Variants in LRMDA observed in about 807,000 individuals in gnomAD.
LRMDA encodes the protein leucine rich melanocyte differentiation associated, also known as leucine-rich melanocyte differentiation-associated protein.
Under a neutral mutation model 29.8 loss-of-function variants are expected in LRMDA, and 18 were observed. That is an observed-to-expected ratio of 0.60 (90% confidence interval 0.42 to 0.90). LRMDA has a LOEUF of 0.90. Ranked by LOEUF, LRMDA falls within the 40% of genes least tolerant of loss-of-function variation. The probability of loss-of-function intolerance (pLI) is 0.00; values close to 1 mark genes in which losing one functional copy is unlikely to be tolerated. For missense variants in LRMDA, 273 were observed against 273.9 expected (o/e 1.00, Z 0.02); for synonymous variants, 125 against 109.4 (o/e 1.14, Z -0.89).
rs77659256 is a variant in LRMDA, at chr10:76,057,900, T to C, written c.399-766T>C. On this transcript the variant is annotated intron_variant, in intron 4 of 6. Transcript: ENST00000611255. ...TTTATGCATTTATATAACTATACCCTGGCCAAGTGGTTATTCTTGTCAACT... is the reference window on the plus strand; with the variant it reads ...TTTATGCATTTATATAACTATACCCCGGCCAAGTGGTTATTCTTGTCAACT... 6.2e-3 allele frequency among the ~76,000 whole-genome samples: 939 copies of C among 152,376 alleles called. 8 individuals are homozygous for C. Among genetic ancestry groups the C allele is most frequent in the Non-Finnish European group, 9.5e-3 (649 of 68,042 alleles).
chr10:76,372,996 C>T (rs1373001935), intron 6 of LRMDA, among the ~76,000 whole-genome samples: 1 of 152,092 alleles, frequency 6.6e-6, no homozygotes, highest in Non-Finnish European at 1.5e-5. Flanking sequence ...GTAAGATTTC[C>T]AGCTCTTCAG....
chr10:75,806,361 T>C lies in LRMDA; in HGVS notation c.132-229647T>C, dbSNP rs1013869704. ...GTCAGCATTCTTGAGAATTCATATCTCTTGTACTTTGCTTTAGTTGTTCAT... is the reference window on the plus strand; with the variant it reads ...GTCAGCATTCTTGAGAATTCATATCCCTTGTACTTTGCTTTAGTTGTTCAT... On this transcript the variant is annotated intron_variant, in intron 2 of 6. Transcript: ENST00000611255. Among the ~76,000 whole-genome samples the C allele has an allele frequency of 2.8e-5, 4 of 141,720 alleles. No homozygotes were observed. In the East Asian group the frequency reaches 7.7e-4, roughly 27 times the overall value. 93.0% of individuals were successfully genotyped at this position (141,720 alleles called of 152,430 possible). A position where few individuals can be genotyped will look rare whatever the true frequency, so the allele number is the denominator to read the frequency against.
At chr10:75,445,100 TTTG>T (rs535166056) in intron 2 of LRMDA, among the ~76,000 whole-genome samples, 1 of 151,868 alleles carries the variant, frequency 6.6e-6, no homozygotes, top group African/African-American at 2.4e-5. Context: ...CCTGGCTAAT[TTTG>T]TTGTTGTTGT....
intron 2 of LRMDA, among the ~76,000 whole-genome samples, chr10:75,938,304 A>C (rs983661286): frequency 1.1e-4 from 17 of 152,216 alleles, no homozygotes; most frequent in African/African-American, 3.9e-4. Context: ...TAAATTTGCC[A>C]CGTTACCTCC....
chr10:76,194,573 G>T (rs959750440), intron 5 of LRMDA, among the ~76,000 whole-genome samples: 3 of 152,180 alleles, frequency 2.0e-5, no homozygotes, highest in Non-Finnish European at 4.4e-5. Context: ...ATCCTGAAAG[G>T]TGCAAAGTCT....
intron 2 of LRMDA, among the ~76,000 whole-genome samples, chr10:75,741,074 A>T (rs1279670480): frequency 1.3e-5 from 2 of 152,238 alleles, no homozygotes; most frequent in Admixed American, 6.5e-5. Flanking sequence ...GCATGAAACA[A>T]CACTGTTTAC....
intron 2 of LRMDA, among the ~76,000 whole-genome samples, chr10:75,831,264 G>T (rs180865650): frequency 3.2e-4 from 49 of 152,248 alleles, no homozygotes; most frequent in Middle Eastern, 6.8e-3. Flanking sequence ...AACCAGGATG[G>T]TCTTGATCTC....
chr10:75,684,311 C>T (rs1292968496), intron 2 of LRMDA, among the ~76,000 whole-genome samples: 1 of 152,128 alleles, frequency 6.6e-6, no homozygotes. Context: ...CATGCCTAGA[C>T]TTCTGGACAC....
intron 2 of LRMDA, among the ~76,000 whole-genome samples, chr10:75,599,524 A>T (rs944488487): frequency 2.6e-5 from 4 of 152,168 alleles, no homozygotes; most frequent in Non-Finnish European, 5.9e-5. Context: ...GGATGGTCTT[A>T]TGGTGAGTAT....
At chr10:76,190,504 T>C (rs1851225474) in intron 5 of LRMDA, among the ~76,000 whole-genome samples, 1 of 152,224 alleles carries the variant, frequency 6.6e-6, no homozygotes, top group Non-Finnish European at 1.5e-5. Context: ...GACTGGACAT[T>C]TTCCTTTGGA....
chr10:75,601,334 G>A (rs3001922), intron 2 of LRMDA: 12,963 of 152,230 alleles, frequency 0.085, 836 homozygotes, highest in East Asian at 0.31. Context: ...TTCTTAAAGT[G>A]AGGAAACAGG....
intron 2 of LRMDA, among the ~76,000 whole-genome samples, chr10:75,704,657 T>G (rs529018212): frequency 1.6e-4 from 24 of 152,140 alleles, no homozygotes; most frequent in African/African-American, 5.8e-4. Context: ...CACTTTTCTA[T>G]GAGGTATTGG....
intron 5 of LRMDA, among the ~76,000 whole-genome samples, chr10:76,102,792 A>G (rs1433786214): frequency 6.6e-6 from 1 of 152,144 alleles, no homozygotes; most frequent in African/African-American, 2.4e-5. Flanking sequence ...AGCTGGGACT[A>G]TAGGTGTGCA....
At chr10:76,169,941 A>G (rs1217064666) in intron 5 of LRMDA, among the ~76,000 whole-genome samples, 1 of 152,162 alleles carries the variant, frequency 6.6e-6, no homozygotes, top group Admixed American at 6.5e-5. Context: ...CCCATCACCC[A>G]AGGGTATGGC....
intron 6 of LRMDA, among the ~76,000 whole-genome samples, chr10:76,406,291 A>C (rs568095099): frequency 6.6e-6 from 1 of 152,304 alleles, no homozygotes; most frequent in Non-Finnish European, 1.5e-5. Context: ...TCTTCATTAG[A>C]TCCCAACATG....
At chr10:75,692,454 C>G (rs952440384) in intron 2 of LRMDA, among the ~76,000 whole-genome samples, 9 of 149,250 alleles carry the variant, frequency 6.0e-5, no homozygotes, top group African/African-American at 2.0e-4. Flanking sequence ...TATGTATATA[C>G]AAGTGTATAC....
chr10:76,116,232 G>T (rs1021837196), intron 5 of LRMDA, among the ~76,000 whole-genome samples: 1 of 152,098 alleles, frequency 6.6e-6, no homozygotes, highest in African/African-American at 2.4e-5. Flanking sequence ...GCTTTCTGGG[G>T]CCAACACCTA....
intron 4 of LRMDA, among the ~76,000 whole-genome samples, chr10:76,048,190 A>G (rs899702998): frequency 6.6e-6 from 1 of 152,210 alleles, no homozygotes; most frequent in African/African-American, 2.4e-5. Context: ...ATATGTATAT[A>G]TGCATATATA....
chr10:75,946,159 C>T (rs561163092), intron 2 of LRMDA, among the ~76,000 whole-genome samples: 1 of 152,272 alleles, frequency 6.6e-6, no homozygotes, highest in African/African-American at 2.4e-5. Context: ...TTTTCTCTTC[C>T]ACTTGGCCCA....
Sources: allele counts gnomAD v4.1 joint callset (sites outside exome capture counted in the v4.1 genomes callset), GRCh38; gene constraint gnomAD v4.1.1; transcripts MANE v1.5; gene names NCBI Gene and HGNC (gene_info 2026-07-23, HGNC 2026-07-21).